The following SHPRH variants were observed in gnomAD, a reference collection of about 807,000 sequenced individuals.
The protein encoded by SHPRH is E3 ubiquitin-protein ligase SHPRH.
A neutral mutation model predicts 202.5 loss-of-function variants in SHPRH; 106 were observed. That is an observed-to-expected ratio of 0.52 (90% CI 0.45 to 0.62). The LOEUF (loss-of-function observed/expected upper bound fraction) is 0.62. SHPRH is among the 20% of genes least tolerant of loss of function. SHPRH has a pLI of 0.00. For missense variants in SHPRH, 1,710 were observed against 2,020.0 expected, an observed-to-expected ratio of 0.85 and a Z score of 2.94; for synonymous variants, 729 against 686.0, an observed-to-expected ratio of 1.06 and a Z score of -0.98.
chr6:145,873,046 G>A (rs1348443557), intron 2 of SHPRH, among the ~76,000 whole-genome samples: 1 of 152,164 alleles, frequency 6.6e-6, no homozygotes, highest in African/African-American at 2.4e-5. Flanking sequence ...AGTAGGGAGA[G>A]GATCAGGAAG....
the SHPRH span, among the ~76,000 whole-genome samples, chr6:145,858,598 A>G: frequency 6.6e-6 from 1 of 151,968 alleles, no homozygotes. Context: ...ACAAAGAAGC[A>G]TGAGGAAACT....
chr6:145,863,757 A>G (rs1779656450), downstream of SHPRH, among the ~76,000 whole-genome samples: 1 of 152,166 alleles, frequency 6.6e-6, no homozygotes, highest in Non-Finnish European at 1.5e-5. Context: ...AAGAGACATG[A>G]TCAAAGTGTT....
intron 14 of SHPRH, among the ~76,000 whole-genome samples, chr6:145,931,962 T>A (rs776014548): frequency 6.6e-6 from 1 of 151,984 alleles, no homozygotes; most frequent in Admixed American, 6.6e-5. Context: ...ACAACCTCAC[T>A]GAGGCTCTTT....
chr6:145,900,637 G>T (rs532477060), intron 25 of SHPRH, among the ~76,000 whole-genome samples: 1 of 152,062 alleles, frequency 6.6e-6, no homozygotes, highest in South Asian at 2.1e-4. Flanking sequence ...GGTATTCATG[G>T]GGAGTTCTAG....
chr6:145,927,360 T>C, intron 14 of SHPRH, 83 bp from the exon 15 acceptor site: 1 of 1,192,064 alleles, frequency 8.4e-7, no homozygotes, highest in Non-Finnish European at 1.2e-6. Context: ...TATTTAAGAA[T>C]ACTGTAAAAA....
Position 145,933,182 on chromosome 6 carries a change from A to G in SHPRH, c.2991-4T>C. 6.2e-7 allele frequency: 1 copy of G among 1,613,862 alleles called. No homozygotes were observed. The highest frequency in any genetic ancestry group is 1.1e-5 in the South Asian group (1 of 91,084). On this transcript the variant is annotated splice_region_variant and splice_polypyrimidine_tract_variant and intron_variant, in intron 13 of 29. Coordinates refer to ENST00000275233, the MANE Select transcript of SHPRH (RefSeq NM_001042683.3). ...CAGCTCTTCCATTGTCATGGTGCTA[A>G]AAGAAAAGGTAGACTGTTCAAAACT...
chr6:145,866,188 T>C (rs1429351967), intron 2 of SHPRH, among the ~76,000 whole-genome samples: 2 of 152,274 alleles, frequency 1.3e-5, no homozygotes, highest in Non-Finnish European at 2.9e-5. Flanking sequence ...TTATGCCATA[T>C]AAATTTGTGC....
At position 145,946,265 on chromosome 6, in the gene SHPRH, T is replaced by G. The variant is rs1454879048; in HGVS notation, c.1289A>C (p.Glu430Ala). 6.2e-7 allele frequency: 1 copy of G among 1,609,456 alleles called. No homozygotes were observed. The highest frequency in any genetic ancestry group is 1.7e-5 in the Admixed American group (1 of 59,534). The change falls in exon 7 of 30, where the codon GAA becomes GCA. Residue 430 changes from glutamate (E) to alanine (A), a missense_variant. Transcript: ENST00000275233. Reference sequence around the variant, plus strand: ...TTGAACTTTTTCTTTTGGTTCAAATTCGATATTCTGGATTTCTGTCTTTTT... The same window carrying G: ...TTGAACTTTTTCTTTTGGTTCAAATGCGATATTCTGGATTTCTGTCTTTTT... The part of the protein sequence containing the change: ...KLKKTEIQNI[E>A]FEPKEKVQCP...
chr6:145,931,456 G>A (rs1785434162), intron 14 of SHPRH, among the ~76,000 whole-genome samples: 1 of 152,076 alleles, frequency 6.6e-6, no homozygotes, highest in Non-Finnish European at 1.5e-5. Flanking sequence ...GGGTTCAAGT[G>A]ATTCTCCTGT....
chr6:145,887,967 A>G, intron 29 of SHPRH, 53 bp downstream of exon 29: 1 of 1,378,390 alleles, frequency 7.3e-7, no homozygotes, highest in Non-Finnish European at 1.0e-6. Context: ...TAAAGATACA[A>G]ACTTTTAACA....
chr6:145,954,574 A>C (rs1488003026), intron 2 of SHPRH, 116 bp downstream of exon 2: 3 of 1,094,026 alleles, frequency 2.7e-6, no homozygotes, highest in Non-Finnish European at 3.9e-6. Flanking sequence ...GTGTACTTTG[A>C]AACTTAACAA....
rs577520508 is a variant in SHPRH at position 145,946,356 on chromosome 6, A to C, written c.1213-15T>G. 8 of 1,580,268 alleles carry C rather than the reference A, an allele frequency of 5.1e-6. No individual in the cohort carries two copies. The highest frequency in any genetic ancestry group is 1.4e-5 in the African/African-American group (1 of 73,862). On this transcript the variant is annotated splice_polypyrimidine_tract_variant and intron_variant, in intron 6 of 29. Transcript: ENST00000275233. ...ACCACTTTTCCCTGATACAAACAAC[A>C]GTCAGTAGTTACACAGTGTTTTGCT...
chr6:145,926,649 G>A (rs1784905996), intron 15 of SHPRH, among the ~76,000 whole-genome samples: 1 of 151,804 alleles, frequency 6.6e-6, no homozygotes, highest in Non-Finnish European at 1.5e-5. Flanking sequence ...CATCTTACCT[G>A]GGACTCAAAC....
At chr6:145,905,869 C>A (rs1293901885) in intron 25 of SHPRH, 1 of 152,058 alleles carries the variant, frequency 6.6e-6, no homozygotes, top group East Asian at 1.9e-4. Flanking sequence ...TCCTGCACTT[C>A]CTTCCTGCTT....
At chr6:145,933,019 T>G (rs766505781) in intron 14 of SHPRH, 38 bp downstream of exon 14, 2 of 1,588,604 alleles carry the variant, frequency 1.3e-6, no homozygotes, top group East Asian at 2.3e-5. Flanking sequence ...CCTCAGGAAG[T>G]GTTTGAAAGA....
In SHPRH at chr6:145,922,915, CCAAA is replaced by C. The variant is rs915379144; in HGVS notation, c.3546-83_3546-80del. 147 of 1,423,292 alleles carry C rather than the reference CCAAA, an allele frequency of 1.0e-4. 1 individual carries two copies. Among genetic ancestry groups the C allele is most frequent in the African/African-American group, 1.5e-4 (10 of 66,764 alleles). 88.2% of individuals were successfully genotyped at this position (1,423,292 alleles called of 1,614,324 possible). ...TTTCCTCAAATTCAGAGAATGGTTG[CCAAA>C]CAAAGTGTTAAAGAAACTGTTTGCT... On this transcript the variant is annotated intron_variant, in intron 18 of 29. Transcript: ENST00000275233.
chr6:145,923,635 T>C lies in SHPRH; in HGVS notation c.3545+8A>G. On this transcript the variant is annotated splice_region_variant and intron_variant, in intron 18 of 29. Coordinates refer to ENST00000275233, the MANE Select transcript of SHPRH (RefSeq NM_001042683.3). ...ATGAGTAGATACTTTTTCTTCCTGT[T>C]TTCTTACTTCTCTGACATAGAAAGC... is the stretch of plus-strand genomic sequence containing the variant. 6.2e-7 allele frequency: 1 copy of C among 1,610,410 alleles called. No individual in the cohort carries two copies. The highest frequency in any genetic ancestry group is 1.3e-5 in the African/African-American group (1 of 74,812).
chr6:145,927,548 G>A (rs761357400), intron 14 of SHPRH, among the ~76,000 whole-genome samples: 78 of 151,402 alleles, frequency 5.2e-4, no homozygotes, highest in African/African-American at 1.8e-3. Context: ...ATAATCAAAC[G>A]TTTGTAATGT....
At chr6:145,929,791 TATA>T (rs1785242682) in intron 14 of SHPRH, among the ~76,000 whole-genome samples, 1 of 152,068 alleles carries the variant, frequency 6.6e-6, no homozygotes, top group Non-Finnish European at 1.5e-5. Flanking sequence ...AACACGAATA[TATA>T]ATAATAGGCC....
Sources: allele counts gnomAD v4.1 joint callset (sites outside exome capture counted in the v4.1 genomes callset), GRCh38; gene constraint gnomAD v4.1.1; transcripts MANE v1.5; gene names NCBI Gene and HGNC (gene_info 2026-07-23, HGNC 2026-07-21).